Variants in ATP9B observed in about 807,000 individuals in gnomAD.
ATP9B encodes ATPase phospholipid transporting 9B, also known as probable phospholipid-transporting ATPase IIB.
Under a neutral mutation model 146.1 loss-of-function variants are expected in ATP9B, and 110 were observed. The ratio of observed to expected loss-of-function variants is 0.75; its 90% CI spans 0.65 to 0.88. The LOEUF (loss-of-function observed/expected upper bound fraction) is 0.88, where lower values mean the gene tolerates loss of function less well. Ranked by LOEUF, ATP9B falls within the 40% of genes least tolerant of loss-of-function variation. The pLI, the probability that ATP9B is intolerant of heterozygous loss-of-function variation, is 0.00. For missense variants in ATP9B, 1,499 were observed against 1,496.4 expected (o/e 1.00, Z -0.03); for synonymous variants, 604 against 569.7 (o/e 1.06, Z -0.86).
At chr18:79,182,486 T>C (rs970107228) in intron 8 of ATP9B, among the ~76,000 whole-genome samples, 4 of 152,224 alleles carry the variant, frequency 2.6e-5, no homozygotes, top group African/African-American at 9.6e-5. Context: ...TGCCTCCCTC[T>C]GCCTGGCTTC....
chr18:79,226,660 T>G (rs1165670065), intron 11 of ATP9B, among the ~76,000 whole-genome samples: 3 of 152,166 alleles, frequency 2.0e-5, no homozygotes, highest in African/African-American at 7.2e-5. Flanking sequence ...CCCATGCTGC[T>G]CACCCGCAGT....
At chr18:79,163,169 G>A (rs946210275) in intron 7 of ATP9B, among the ~76,000 whole-genome samples, 1 of 152,154 alleles carries the variant, frequency 6.6e-6, no homozygotes, top group African/African-American at 2.4e-5. Flanking sequence ...ATTTGCTAGA[G>A]TTCATTCTTT....
At chr18:79,096,383 C>T in intron 1 of ATP9B, 93 bp from the exon 2 acceptor site, 2 of 1,184,492 alleles carry the variant, frequency 1.7e-6, no homozygotes, top group Non-Finnish European at 1.2e-6. Flanking sequence ...CAGCTGAAGA[C>T]AGCCTAATTT....
intron 5 of ATP9B, among the ~76,000 whole-genome samples, chr18:79,128,990 A>G (rs950237566): frequency 2.0e-5 from 3 of 152,188 alleles, no homozygotes; most frequent in Non-Finnish European, 4.4e-5. Flanking sequence ...ATAATGGCCC[A>G]TGTTCCCAGT....
intron 1 of ATP9B, among the ~76,000 whole-genome samples, chr18:79,092,519 CT>C (rs1812259277): frequency 6.6e-6 from 1 of 151,228 alleles, no homozygotes; most frequent in South Asian, 2.1e-4. Flanking sequence ...AACTTATTGA[CT>C]TTTTTGTAAT....
intron 2 of ATP9B, among the ~76,000 whole-genome samples, chr18:79,102,271 C>T (rs2075336341): frequency 6.6e-6 from 1 of 152,140 alleles, no homozygotes; most frequent in Middle Eastern, 3.2e-3. Flanking sequence ...GTGAATTGTG[C>T]TTTTGGTGTC....
At chr18:79,153,634 G>GT (rs1346928441) in intron 6 of ATP9B, among the ~76,000 whole-genome samples, 1 of 146,982 alleles carries the variant, frequency 6.8e-6, no homozygotes, top group African/African-American at 2.6e-5. Flanking sequence ...AATATTTAAC[G>GT]TTTTTTTCAG....
chr18:79,284,018 T>A (rs961165374), intron 13 of ATP9B, among the ~76,000 whole-genome samples: 1 of 152,220 alleles, frequency 6.6e-6, no homozygotes, highest in Non-Finnish European at 1.5e-5. Context: ...ACAGGTTTTT[T>A]AGGACTCACA....
At chr18:79,178,863 G>C (rs533917906) in intron 8 of ATP9B, among the ~76,000 whole-genome samples, 1 of 152,304 alleles carries the variant, frequency 6.6e-6, no homozygotes, top group African/African-American at 2.4e-5. Flanking sequence ...TCTGGGGGTA[G>C]GCTGGCCTTA....
At chr18:79,286,523 G>T (rs1370530455) in intron 13 of ATP9B, among the ~76,000 whole-genome samples, 2 of 152,178 alleles carry the variant, frequency 1.3e-5, no homozygotes, top group African/African-American at 4.8e-5. Flanking sequence ...TTTGGGCTGA[G>T]ACGATGGGGT....
At chr18:79,246,712 C>T (rs963603758) in intron 11 of ATP9B, among the ~76,000 whole-genome samples, 2 of 152,182 alleles carry the variant, frequency 1.3e-5, no homozygotes, top group Non-Finnish European at 2.9e-5. Flanking sequence ...CCCTGCTGGC[C>T]GCGCCCCGCG....
intron 11 of ATP9B, among the ~76,000 whole-genome samples, chr18:79,246,948 A>T (rs2144892583): frequency 6.6e-6 from 1 of 152,386 alleles, no homozygotes; most frequent in Non-Finnish European, 1.5e-5. Context: ...GCTTATCTTA[A>T]TATTCAGTGC....
chr18:79,291,855 A>G (rs559937302), intron 13 of ATP9B, among the ~76,000 whole-genome samples: 1 of 152,286 alleles, frequency 6.6e-6, no homozygotes, highest in African/African-American at 2.4e-5. Flanking sequence ...ACTTTAAAAC[A>G]TTCTCATCAC....
chr18:79,200,890 T>C (rs1568389721), intron 9 of ATP9B, among the ~76,000 whole-genome samples: 1 of 150,314 alleles, frequency 6.7e-6, no homozygotes, highest in Non-Finnish European at 1.5e-5. Context: ...CCCACACCCT[T>C]TTAGGAGCTG....
At chr18:79,191,616 A>G (rs2095367357) in intron 8 of ATP9B, among the ~76,000 whole-genome samples, 1 of 152,242 alleles carries the variant, frequency 6.6e-6, no homozygotes, top group Admixed American at 6.5e-5. Flanking sequence ...TTTATTGCAG[A>G]CATTGCATTT....
chr18:79,309,509 G>C (rs1264127642), intron 15 of ATP9B, among the ~76,000 whole-genome samples: 14 of 139,676 alleles, frequency 1.0e-4, no homozygotes, highest in East Asian at 6.7e-4. Context: ...GGGTGGAGGA[G>C]TGATCTCCAG....
chr18:79,256,986 T>A (rs2096088248), intron 12 of ATP9B, among the ~76,000 whole-genome samples: 1 of 152,190 alleles, frequency 6.6e-6, no homozygotes, highest in African/African-American at 2.4e-5. Context: ...CAGTGCGTAT[T>A]ATTCACATTC....
In ATP9B at chr18:79,251,546, A is replaced by T. The variant is rs951695839; in HGVS notation, c.1108-1835A>T. Among the ~76,000 whole-genome samples, 43 of 152,166 alleles carry T rather than the reference A, an allele frequency of 2.8e-4. 1 individual carries two copies. Among genetic ancestry groups the T allele is most frequent in the Non-Finnish European group, 1.5e-4 (10 of 68,018 alleles). Reference sequence around the variant, plus strand: ...TAGAGTTTAGCACAAAATGTAGTAGACATTTCAATTTATTTGTTTAATTAG... The same window carrying T: ...TAGAGTTTAGCACAAAATGTAGTAGTCATTTCAATTTATTTGTTTAATTAG... On this transcript the variant is annotated intron_variant, in intron 11 of 29. Coordinates refer to ENST00000426216, the MANE Select transcript of ATP9B (RefSeq NM_198531.5).
chr18:79,371,510 A>G (rs113664741), intron 26 of ATP9B, among the ~76,000 whole-genome samples: 1,837 of 152,288 alleles, frequency 0.012, 18 homozygotes, highest in Non-Finnish European at 0.017. Flanking sequence ...AGCCTAGGAA[A>G]ACACTTAACA....
Sources: allele counts gnomAD v4.1 joint callset (sites outside exome capture counted in the v4.1 genomes callset), GRCh38; gene constraint gnomAD v4.1.1; transcripts MANE v1.5; gene names NCBI Gene and HGNC (gene_info 2026-07-23, HGNC 2026-07-21).